Variants in KMT2C observed in about 807,000 individuals in gnomAD.
KMT2C encodes lysine methyltransferase 2C.
KMT2C carries 88 observed loss-of-function variants against 507.9 expected under a neutral mutation model. The observed-to-expected ratio is 0.17, with a 90% CI of 0.15 to 0.21. The LOEUF (loss-of-function observed/expected upper bound fraction) is 0.21, where lower values mean the gene tolerates loss of function less well. Among genes scored for constraint, KMT2C ranks in the 10% least tolerant of loss-of-function variants. KMT2C has a pLI of 1.00. For missense variants in KMT2C, 4,954 were observed against 5,957.8 expected, an observed-to-expected ratio of 0.83 and a Z score of 5.55; for synonymous variants, 2,049 against 2,080.8, an observed-to-expected ratio of 0.98 and a Z score of 0.42.
At chr7:152,198,653 T>G (rs1198221389) in intron 27 of KMT2C, among the ~76,000 whole-genome samples, 2 of 152,172 alleles carry the variant, frequency 1.3e-5, no homozygotes, top group Middle Eastern at 6.3e-3. Context: ...TGTTAATAGT[T>G]CCTGCATTTA....
At chr7:152,315,538 T>A (rs966461520) in intron 3 of KMT2C, among the ~76,000 whole-genome samples, 200 bp from the exon 4 acceptor site, 2 of 152,226 alleles carry the variant, frequency 1.3e-5, no homozygotes, top group Non-Finnish European at 2.9e-5. Flanking sequence ...ATTCTACTTT[T>A]CCATAGCATT....
chr7:152,289,182 C>G (rs1264529384), intron 6 of KMT2C, among the ~76,000 whole-genome samples: 1 of 152,138 alleles, frequency 6.6e-6, no homozygotes, highest in Non-Finnish European at 1.5e-5. Context: ...ACAATTGAAG[C>G]AAAAATTGTT....
At chr7:152,145,132 T>A (rs202225814) in intron 54 of KMT2C, 21 bp downstream of exon 54, 1 of 1,612,646 alleles carries the variant, frequency 6.2e-7, no homozygotes, top group Non-Finnish European at 8.5e-7. Context: ...GGCTGTACTA[T>A]GTGAAGTTAA....
At chr7:152,218,415 T>G (rs2094647232) in intron 23 of KMT2C, among the ~76,000 whole-genome samples, 2 of 152,096 alleles carry the variant, frequency 1.3e-5, no homozygotes, top group Admixed American at 1.3e-4. Flanking sequence ...CCACCCGCCT[T>G]GGCCTCCCAA....
chr7:152,159,275 TAAGCTGCG>T (rs2092301350), intron 43 of KMT2C, among the ~76,000 whole-genome samples: 2 of 152,358 alleles, frequency 1.3e-5, no homozygotes, highest in Admixed American at 1.3e-4. Flanking sequence ...TGGAAATCAG[TAAGCTGCG>T]AAGCTTGAGG....
rs1341730371 is a variant in KMT2C at position 152,431,812 on chromosome 7, C to T, written c.161+3814G>A. Among the ~76,000 whole-genome samples, 9 of 152,222 alleles carry T rather than the reference C, an allele frequency of 5.9e-5. No individual in the cohort carries two copies. In the East Asian group the frequency reaches 1.5e-3, roughly 26 times the overall value. The stretch of plus-strand genomic sequence containing the variant: ...TTGGACAATAAATTATTAAGAATTG[C>T]TGTCATAAAAATTACAAATTTGCAT... On this transcript the variant is annotated intron_variant, in intron 1 of 58. Coordinates refer to ENST00000262189, the MANE Select transcript of KMT2C (RefSeq NM_170606.3).
rs372413814 is a variant in KMT2C at position 152,163,247 on chromosome 7, T to C, written c.10330A>G (p.Ser3444Gly). ...GGAATCTGGGACACAGATGTCCTACTACTACTTATCTCAGAGCCCACCATA... is the reference window on the plus strand; with the variant it reads ...GGAATCTGGGACACAGATGTCCTACCACTACTTATCTCAGAGCCCACCATA... ...HGMVGSEISS[S>G]RTSVSQIPFY... Residue 3444 changes from serine (S) to glycine (G), a missense_variant, in exon 43 of 59, where the codon AGT (serine) becomes GGT (glycine). Physicochemically the swap from Ser to Gly is moderately conservative, Grantham distance 56 (BLOSUM62 0). This residue lies in a region of KMT2C where 801 missense variants were observed against 751.2 expected (regional missense o/e 1.07). Transcript: ENST00000262189. 4 of 1,614,226 alleles carry C rather than the reference T, an allele frequency of 2.5e-6. No homozygotes were observed. Among genetic ancestry groups the C allele is most frequent in the Non-Finnish European group, 3.4e-6 (4 of 1,180,026 alleles).
chr7:152,339,867 GCA>G (rs1460571723), intron 2 of KMT2C, among the ~76,000 whole-genome samples: 3 of 151,994 alleles, frequency 2.0e-5, no homozygotes, highest in Admixed American at 1.3e-4. Flanking sequence ...TTTATAAAAA[GCA>G]CAGAGAAAAA....
intron 1 of KMT2C, among the ~76,000 whole-genome samples, chr7:152,399,764 T>A (rs2097560449): frequency 6.6e-6 from 1 of 152,036 alleles, no homozygotes; most frequent in African/African-American, 2.4e-5. Context: ...TTATTAACAT[T>A]TTCAGAGACT....
rs202213886 is a variant in KMT2C, at chr7:152,232,761, AATC to A, written c.2770-2443_2770-2441del. On this transcript the variant is annotated intron_variant, in intron 16 of 58. Coordinates refer to ENST00000262189, the MANE Select transcript of KMT2C (RefSeq NM_170606.3). Reference sequence around the variant, plus strand: ...CATCCAAGATGATTCACAAAAGTAGAATCATCATCATCAGTAAGAAATTAAGTG... The same window carrying A: ...CATCCAAGATGATTCACAAAAGTAGAATCATCATCAGTAAGAAATTAAGTG... 1.0e-2 allele frequency among the ~76,000 whole-genome samples: 1,517 copies of A among 152,316 alleles called. 34 individuals carry two copies. Among genetic ancestry groups the A allele is most frequent in the African/African-American group, 0.035 (1,448 of 41,570 alleles).
chr7:152,267,212 C>G (rs2095872017), intron 7 of KMT2C, among the ~76,000 whole-genome samples: 1 of 152,260 alleles, frequency 6.6e-6, no homozygotes, highest in Non-Finnish European at 1.5e-5. Flanking sequence ...CCATAAAATG[C>G]CACCATGATT....
intron 1 of KMT2C, among the ~76,000 whole-genome samples, chr7:152,408,521 G>A (rs1398987387): frequency 6.6e-6 from 1 of 152,234 alleles, no homozygotes; most frequent in Non-Finnish European, 1.5e-5. Flanking sequence ...GTGAGCGGCA[G>A]GCAAGCCAGC....
In KMT2C at chr7:152,337,161, T is replaced by TCAC. The variant is rs1273415894; in HGVS notation, c.251-6423_251-6422insGTG. Among the ~76,000 whole-genome samples, 9 of 152,226 alleles carry TCAC rather than the reference T, an allele frequency of 5.9e-5. No individual in the cohort carries two copies. In the East Asian group the frequency reaches 1.7e-3, roughly 29 times the overall value. On this transcript the variant is annotated intron_variant, in intron 2 of 58. Coordinates refer to ENST00000262189, the MANE Select transcript of KMT2C (RefSeq NM_170606.3). ...GGCACACACCAGTAGACCCAGCTAT[T>TCAC]CAGGAGGCTGAGGTGGAAGAATCAC...
intron 16 of KMT2C, among the ~76,000 whole-genome samples, chr7:152,234,047 A>G (rs2095204485): frequency 6.6e-6 from 1 of 152,144 alleles, no homozygotes; most frequent in Admixed American, 6.5e-5. Flanking sequence ...AGGCAGGAGA[A>G]TTGCTTGAAC....
At chr7:152,410,091 G>A (rs1054939642) in intron 1 of KMT2C, among the ~76,000 whole-genome samples, 2 of 152,144 alleles carry the variant, frequency 1.3e-5, no homozygotes, top group Admixed American at 1.3e-4. Context: ...TTCTTTCCCT[G>A]TTTACAAACC....
chr7:152,427,833 C>A (rs2116771085), intron 1 of KMT2C, among the ~76,000 whole-genome samples: 1 of 152,268 alleles, frequency 6.6e-6, no homozygotes. Flanking sequence ...TAGCAGGCAT[C>A]CAATCTATTT....
At chr7:152,387,788 A>G (rs1410800396) in intron 1 of KMT2C, among the ~76,000 whole-genome samples, 1 of 151,958 alleles carries the variant, frequency 6.6e-6, no homozygotes, top group East Asian at 1.9e-4. Flanking sequence ...ATTTGTTTTC[A>G]AAGAATATAT....
chr7:152,362,449 C>A (rs1466419776), intron 1 of KMT2C, among the ~76,000 whole-genome samples: 1 of 152,014 alleles, frequency 6.6e-6, no homozygotes, highest in Non-Finnish European at 1.5e-5. Context: ...GAACTGGGGA[C>A]TGGGAGACTA....
intron 9 of KMT2C, among the ~76,000 whole-genome samples, chr7:152,253,613 G>A (rs1279724129): frequency 6.6e-6 from 1 of 151,050 alleles, no homozygotes; most frequent in Non-Finnish European, 1.5e-5. Flanking sequence ...AGAATTGCTT[G>A]AGCCTAGGAG....
Sources: allele counts gnomAD v4.1 joint callset (sites outside exome capture counted in the v4.1 genomes callset), GRCh38; gene constraint gnomAD v4.1.1; regional missense constraint gnomAD v4.1.1; transcripts MANE v1.5; gene names NCBI Gene and HGNC (gene_info 2026-07-23, HGNC 2026-07-21).